The following MEIOSIN variants were observed in gnomAD, a reference collection of about 807,000 sequenced individuals.
MEIOSIN encodes meiosis initiator protein.
A neutral mutation model predicts 23.4 loss-of-function variants in MEIOSIN; 18 were observed. The ratio of observed to expected loss-of-function variants is 0.77; its 90% confidence interval spans 0.53 to 1.14. The LOEUF (loss-of-function observed/expected upper bound fraction) is 1.14, where lower values mean the gene tolerates loss of function less well. Among genes scored for constraint, MEIOSIN ranks in the 50% most tolerant of loss-of-function variants. MEIOSIN has a pLI of 0.00. For missense variants in MEIOSIN, 428 were observed against 242.9 expected (o/e 1.76, Z -5.07); for synonymous variants, 187 against 100.6 (o/e 1.86, Z -5.14).
At chr19:45,739,076 C>T (rs1013618679) in intron 2 of MEIOSIN, among the ~76,000 whole-genome samples, 4 of 152,144 alleles carry the variant, frequency 2.6e-5, no homozygotes, top group Non-Finnish European at 5.9e-5. Flanking sequence ...CGGGAATCTG[C>T]GTCTCTTGGC....
In MEIOSIN at chr19:45,734,461, G is replaced by A. The variant is rs1008595223; in HGVS notation, c.-1+795G>A. ...GAAGTTGACAGTTTGAGGGTCTGGG[G>A]TATCTCAGTATTAGAATTTAGGGTT... On this transcript the variant is annotated intron_variant, in intron 1 of 14. Coordinates refer to ENST00000457052, the MANE Select transcript of MEIOSIN (RefSeq NM_001310124.2). Among the ~76,000 whole-genome samples the A allele has an allele frequency of 2.0e-5, 3 of 152,170 alleles. No individual in the cohort carries two copies. The East Asian group carries it at 5.8e-4, about 29-fold the overall frequency.
At position 45,764,164 on chromosome 19, in the gene MEIOSIN, C is replaced by A. The variant is rs1001323215; in HGVS notation, c.*46C>A. On this transcript the variant is annotated 3_prime_UTR_variant, in exon 15 of 15. Coordinates refer to ENST00000457052, the MANE Select transcript of MEIOSIN (RefSeq NM_001310124.2). ...CTCCCCTCACCCCTCATGGCAACCG[C>A]GGCTCTTGCTGGAAGCCAGGACCCA... The A allele has an allele frequency of 2.5e-6, 1 of 398,600 alleles. No homozygotes were observed. 24.7% of individuals were successfully genotyped at this position (398,600 alleles called of 1,614,324 possible). A position where few individuals can be genotyped will look rare whatever the true frequency, so the allele number is the denominator to read the frequency against.
chr19:45,762,254 C>A, intron 13 of MEIOSIN, 71 bp downstream of exon 13: 1 of 403,840 alleles, frequency 2.5e-6, no homozygotes, highest in Non-Finnish European at 4.4e-6. Flanking sequence ...CTGGCCATGC[C>A]GCTCCTCACA....
intron 3 of MEIOSIN, among the ~76,000 whole-genome samples, chr19:45,744,328 C>T (rs1004482032): frequency 1.3e-5 from 2 of 151,778 alleles, no homozygotes; most frequent in African/African-American, 2.4e-5. Flanking sequence ...CCTCCTTTTA[C>T]AAGTTTCCAT....
intron 7 of MEIOSIN, 92 bp downstream of exon 7, chr19:45,754,816 G>C: frequency 1.5e-6 from 1 of 663,354 alleles, no homozygotes; most frequent in Non-Finnish European, 2.7e-6. Context: ...CCCGTAGTGG[G>C]GGCTGCAGCA....
chr19:45,746,896 A>G (rs1166150446), intron 4 of MEIOSIN, among the ~76,000 whole-genome samples: 1 of 152,120 alleles, frequency 6.6e-6, no homozygotes, highest in Admixed American at 6.6e-5. Context: ...ACAAGGCAAC[A>G]TATTCATAGG....
At chr19:45,748,265 A>G (rs1968631089) in intron 4 of MEIOSIN, among the ~76,000 whole-genome samples, 1 of 152,100 alleles carries the variant, frequency 6.6e-6, no homozygotes. Flanking sequence ...TATTTTTAGT[A>G]AAGACAGGGT....
intron 4 of MEIOSIN, among the ~76,000 whole-genome samples, chr19:45,747,577 A>C (rs939585672): frequency 6.6e-6 from 1 of 152,242 alleles, no homozygotes; most frequent in African/African-American, 2.4e-5. Flanking sequence ...AGCAGACAGC[A>C]GACAGCAGTA....
rs1968467560 is a variant in MEIOSIN, at chr19:45,739,711, T to C, written c.157T>C (p.Leu53=). 1 of 703,544 alleles carries C rather than the reference T, an allele frequency of 1.4e-6. No homozygotes were observed. The highest frequency in any genetic ancestry group is 1.5e-5 in the South Asian group (1 of 67,592). 43.6% of individuals were successfully genotyped at this position (703,544 alleles called of 1,614,324 possible). ...TGGACTGAGAATGGAGGAGAAATGG[T>C]TGCTCAAAGGAAAACTGAGGTACTG... ...PHGLRMEEKW[L]LKGKLRNQRN... The change falls in exon 3 of 15, where the codon TTG becomes CTG. Residue 53 remains leucine (L), a synonymous_variant. Coordinates refer to ENST00000457052, the MANE Select transcript of MEIOSIN (RefSeq NM_001310124.2).
intron 1 of MEIOSIN, among the ~76,000 whole-genome samples, chr19:45,735,037 T>C (rs561776222): frequency 6.6e-6 from 1 of 151,408 alleles, no homozygotes; most frequent in South Asian, 2.1e-4. Flanking sequence ...GGGATTACAG[T>C]CGTGCACCAC....
rs953994412 is a variant in MEIOSIN at position 45,754,530 on chromosome 19, C to T, written c.608C>T (p.Pro203Leu). 3 of 703,068 alleles carry T rather than the reference C, an allele frequency of 4.3e-6. No individual in the cohort carries two copies. Among genetic ancestry groups the T allele is most frequent in the African/African-American group, 1.7e-5 (1 of 57,390 alleles). The allele number at this position is 703,068 out of a possible 1,614,324, so 43.6% of individuals were successfully genotyped here. A position where few individuals can be genotyped will look rare whatever the true frequency, so the allele number is the denominator to read the frequency against. Residue 203 changes from proline (P) to leucine (L), a missense_variant, in exon 7 of 15, where the codon CCT (proline) becomes CTT (leucine). Physicochemically the swap from Pro to Leu is moderately conservative, Grantham distance 98. Transcript: ENST00000457052. The part of the protein sequence containing the change: ...KPRRSLALNK[P>L]EKLVAPSPDQ... Reference sequence around the variant, plus strand: ...CGCCGCTCTCTGGCCCTGAACAAGCCTGAGAAGCTGGTGGCCCCATCCCCA... The same window carrying T: ...CGCCGCTCTCTGGCCCTGAACAAGCTTGAGAAGCTGGTGGCCCCATCCCCA...
intron 2 of MEIOSIN, among the ~76,000 whole-genome samples, chr19:45,737,936 A>C (rs1204329086): frequency 9.2e-5 from 14 of 151,386 alleles, no homozygotes. Context: ...AAAAAAAAAA[A>C]TTGTGGACAG....
chr19:45,747,126 C>T (rs1968609727), intron 4 of MEIOSIN, among the ~76,000 whole-genome samples: 1 of 152,190 alleles, frequency 6.6e-6, no homozygotes, highest in Admixed American at 6.5e-5. Flanking sequence ...CGGATGGCCA[C>T]ATCTCTTGGA....
intron 11 of MEIOSIN, among the ~76,000 whole-genome samples, chr19:45,760,196 G>C (rs749567012): frequency 1.3e-5 from 2 of 151,876 alleles, no homozygotes; most frequent in African/African-American, 4.8e-5. Context: ...AGCTGGGCGC[G>C]GTGGCTCACA....
At chr19:45,735,251 C>G (rs1175210208) in intron 1 of MEIOSIN, 126 bp from the exon 2 acceptor site, 1 of 612,016 alleles carries the variant, frequency 1.6e-6, no homozygotes, top group African/African-American at 1.8e-5. Context: ...GCTAGGGACT[C>G]TTATTTTGGG....
intron 9 of MEIOSIN, among the ~76,000 whole-genome samples, 194 bp from the exon 10 acceptor site, chr19:45,758,684 C>T (rs1195858932): frequency 6.6e-6 from 1 of 152,254 alleles, no homozygotes; most frequent in Non-Finnish European, 1.5e-5. Context: ...CCCACCTTGG[C>T]CTCCCAAAGT....
intron 11 of MEIOSIN, among the ~76,000 whole-genome samples, chr19:45,760,127 C>T (rs780099678): frequency 4.0e-5 from 6 of 151,208 alleles, no homozygotes; most frequent in African/African-American, 9.7e-5. Context: ...AACTACTCTA[C>T]GAAGCAGGGT....
rs143128928 is a variant in MEIOSIN, at chr19:45,763,925, G to A, written c.1770-46G>A. The A allele has an allele frequency of 1.4e-3, 556 of 398,620 alleles. 3 individuals are homozygous for A. The highest frequency in any genetic ancestry group is 0.01 in the African/African-American group (491 of 48,742). The allele number at this position is 398,620 out of a possible 1,614,324, so 24.7% of individuals were successfully genotyped here. ...GATTGGGAGTGGTACAGGGATGCCC[G>A]GGAGGCGAGTGAGGAAGCCAGGCCA... On this transcript the variant is annotated intron_variant, in intron 14 of 14. Coordinates refer to ENST00000457052, the MANE Select transcript of MEIOSIN (RefSeq NM_001310124.2).
intron 2 of MEIOSIN, among the ~76,000 whole-genome samples, chr19:45,737,080 G>A (rs1422269332): frequency 1.3e-5 from 2 of 151,644 alleles, no homozygotes; most frequent in South Asian, 2.1e-4. Flanking sequence ...TGTTGTTCAG[G>A]CTGGTCTCGA....
Sources: allele counts gnomAD v4.1 joint callset (sites outside exome capture counted in the v4.1 genomes callset), GRCh38; gene constraint gnomAD v4.1.1; transcripts MANE v1.5; gene names NCBI Gene and HGNC (gene_info 2026-07-23, HGNC 2026-07-21).